SETDB1: variants seen among roughly 807,000 people sequenced by gnomAD.
The protein encoded by SETDB1 is histone-lysine N-methyltransferase SETDB1.
In SETDB1, 31 loss-of-function variants were observed where a neutral mutation model predicts 137.4. That is an observed-to-expected ratio of 0.23 (90% CI 0.17 to 0.30). The LOEUF (loss-of-function observed/expected upper bound fraction) is 0.30. Ranked by LOEUF, SETDB1 falls within the 10% of genes least tolerant of loss-of-function variation. The pLI is 1.00. For missense variants in SETDB1, 1,113 were observed against 1,631.5 expected, an observed-to-expected ratio of 0.68 and a Z score of 5.47; for synonymous variants, 548 against 579.9, an observed-to-expected ratio of 0.95 and a Z score of 0.79.
Position 150,959,278 on chromosome 1 carries a change from C to T in SETDB1, c.2434C>T (p.Gln812Ter). 6.2e-7 allele frequency: 1 copy of T among 1,609,894 alleles called. No homozygotes were observed. Among genetic ancestry groups the T allele is most frequent in the Non-Finnish European group, 8.5e-7 (1 of 1,178,702 alleles). The stretch of plus-strand genomic sequence containing the variant: ...AGTTCGGCTACAGCTATTCAAGACA[C>T]AGAACAAGGGCTGGGGTATCCGCTG... Reference protein sequence around the residue: ...LQVRLQLFKTQNKGWGIRCLD... With the variant: ...LQVRLQLFKT Residue 812 changes from glutamine (Q) to a stop codon, truncating the protein, a stop_gained, in exon 15 of 22, where the codon CAG becomes TAG. Coordinates refer to ENST00000692827, the MANE Select transcript of SETDB1 (RefSeq NM_001366418.1). LOFTEE classifies it high-confidence loss of function.
At chr1:150,939,784 G>A (rs914629928) in intron 3 of SETDB1, among the ~76,000 whole-genome samples, 156 bp from the exon 4 acceptor site, 4 of 152,094 alleles carry the variant, frequency 2.6e-5, no homozygotes, top group Non-Finnish European at 5.9e-5. Flanking sequence ...ACCCTTTTGA[G>A]TACTTTATAT....
intron 14 of SETDB1, among the ~76,000 whole-genome samples, chr1:150,953,481 G>A (rs587727006): frequency 3.3e-5 from 5 of 150,358 alleles, no homozygotes; most frequent in South Asian, 2.1e-4. Context: ...AGCCAAGACC[G>A]CACCATTGCA....
At chr1:150,946,569 C>G (rs1195076499) in intron 9 of SETDB1, among the ~76,000 whole-genome samples, 5 of 152,078 alleles carry the variant, frequency 3.3e-5, no homozygotes, top group Non-Finnish European at 7.4e-5. Flanking sequence ...CTGCCTCAGC[C>G]TCCCGAGTAA....
intron 3 of SETDB1, among the ~76,000 whole-genome samples, chr1:150,935,069 C>G (rs1290916402): frequency 2.0e-5 from 3 of 152,192 alleles, no homozygotes; most frequent in Non-Finnish European, 4.4e-5. Flanking sequence ...GATCCACACG[C>G]CTTGGCCTCC....
chr1:150,942,797 G>T, intron 6 of SETDB1, 55 bp from the exon 7 acceptor site: 1 of 1,601,058 alleles, frequency 6.2e-7, no homozygotes, highest in African/African-American at 1.3e-5. Flanking sequence ...TAGCAGCCTG[G>T]ATTTATACAG....
At chr1:150,933,741 T>C (rs931653585) in intron 3 of SETDB1, among the ~76,000 whole-genome samples, 2 of 139,042 alleles carry the variant, frequency 1.4e-5, no homozygotes, top group African/African-American at 5.1e-5. Flanking sequence ...GTCATTCTTC[T>C]GATTTTTCTT....
At position 150,956,195 on chromosome 1, in the gene SETDB1, G is replaced by C. The variant is rs185969715; in HGVS notation, c.2334-2983G>C. Among the ~76,000 whole-genome samples, 4 of 151,840 alleles carry C rather than the reference G, an allele frequency of 2.6e-5. No individual in the cohort carries two copies. In the East Asian group the frequency reaches 7.7e-4, roughly 29 times the overall value. On this transcript the variant is annotated intron_variant, in intron 14 of 21. Coordinates refer to ENST00000692827, the MANE Select transcript of SETDB1 (RefSeq NM_001366418.1). ...GAGGTCAGGAATTCAAGATCAGCCT[G>C]GCCAAGATGTTGAAACCCCGTCTCT...
chr1:150,964,083 A>C lies in SETDB1; in HGVS notation c.3761A>C (p.Lys1254Thr), dbSNP rs1365155040. Residue 1254 changes from lysine (K) to threonine (T), a missense_variant and splice_region_variant, in exon 21 of 22, where the codon AAA becomes ACA. Coordinates refer to ENST00000692827, the MANE Select transcript of SETDB1 (RefSeq NM_001366418.1). ...RFPWVAFFAS[K>T]RIRAGTELTW... ...CCCTGGGTGGCCTTCTTTGCCAGCA[A>C]GTAAGGAGTCAGGAAAGGGGATGAC... 1.2e-6 allele frequency: 2 copies of C among 1,613,570 alleles called. No homozygotes were observed. The highest frequency in any genetic ancestry group is 1.7e-6 in the Non-Finnish European group (2 of 1,179,502).
rs752794321 is a variant in SETDB1, at chr1:150,950,536, C to T, written c.1662C>T (p.Gly554=). ...CTCCAGCACCCCCAGTCTTCCATGG[C>T]ATGCTGGAGCGGGCCCCAGCAGAGC... ...PAPPAPPVFH[G]MLERAPAEPS... is the part of the protein sequence containing the mutation. Residue 554 remains glycine (G), a synonymous_variant, in exon 13 of 22, where the codon GGC becomes GGT. Coordinates refer to ENST00000692827, the MANE Select transcript of SETDB1 (RefSeq NM_001366418.1). 1.2e-6 allele frequency: 2 copies of T among 1,613,956 alleles called. No individual in the cohort carries two copies. Among genetic ancestry groups the T allele is most frequent in the African/African-American group, 2.7e-5 (2 of 75,040 alleles).
chr1:150,926,589 C>T, intron 1 of SETDB1, 72 bp downstream of exon 1: 1 of 391,064 alleles, frequency 2.6e-6, no homozygotes, highest in African/African-American at 2.3e-5. Flanking sequence ...GGGAGGGGGT[C>T]GGGCGAGGGT....
intron 14 of SETDB1, among the ~76,000 whole-genome samples, chr1:150,956,248 C>T (rs957369403): frequency 1.3e-5 from 2 of 151,582 alleles, no homozygotes; most frequent in African/African-American, 2.4e-5. Context: ...TAGCCATGTG[C>T]GGTGGCAGGC....
chr1:150,931,261 CAAAA>C lies in SETDB1; in HGVS notation c.412+1160_412+1163del, dbSNP rs767694682. Among the ~76,000 whole-genome samples the C allele has an allele frequency of 1.3e-3, 86 of 67,516 alleles. 1 individual carries two copies. Among genetic ancestry groups the C allele is most frequent in the African/African-American group, 3.5e-3 (80 of 22,802 alleles). 44.3% of individuals were successfully genotyped at this position (67,516 alleles called of 152,430 possible). A position where few individuals can be genotyped will look rare whatever the true frequency, so the allele number is the denominator to read the frequency against. ...GGTGACAAAGCAAGACTCTTGTCTT[CAAAA>C]AAAAAAAAAAAAAAAAGGGTTTCCA... On this transcript the variant is annotated intron_variant, in intron 3 of 21. Coordinates refer to ENST00000692827, the MANE Select transcript of SETDB1 (RefSeq NM_001366418.1).
intron 15 of SETDB1, among the ~76,000 whole-genome samples, chr1:150,959,568 T>G (rs1670756128): frequency 6.6e-6 from 1 of 152,130 alleles, no homozygotes; most frequent in South Asian, 2.1e-4. Flanking sequence ...GGATGAAATT[T>G]TGGACATGGT....
chr1:150,942,517 C>T (rs368329533), intron 5 of SETDB1, 46 bp from the exon 6 acceptor site: 13 of 1,563,458 alleles, frequency 8.3e-6, no homozygotes, highest in African/African-American at 1.4e-5. Flanking sequence ...CGTTCTCTAC[C>T]GAATCTATGT....
At chr1:150,940,678 AC>A (rs1245481920) in intron 4 of SETDB1, among the ~76,000 whole-genome samples, 11 of 151,764 alleles carry the variant, frequency 7.2e-5, no homozygotes, top group Non-Finnish European at 1.6e-4. Flanking sequence ...GAGCAGCCTA[AC>A]CATGGAGAAA....
In SETDB1 at chr1:150,944,945, A is replaced by G; in HGVS notation, c.977A>G (p.Asp326Gly). ...PLKKTWEDIE[D>G]ISCRDFIEEY... Reference sequence around the variant, plus strand: ...AAAAAGACTTGGGAGGACATAGAAGACATCTCCTGCCGTGACTTCATAGAG... The same window carrying G: ...AAAAAGACTTGGGAGGACATAGAAGGCATCTCCTGCCGTGACTTCATAGAG... The change falls in exon 9 of 22, where the codon GAC becomes GGC. Residue 326 changes from aspartate (D) to glycine (G), a missense_variant. Around this residue, in one of 11 missense-constraint regions of SETDB1, gnomAD observed 154 missense variants for 303.1 expected, o/e 0.51. Transcript: ENST00000692827. 6.2e-7 allele frequency: 1 copy of G among 1,614,110 alleles called. No homozygotes were observed. The highest frequency in any genetic ancestry group is 8.5e-7 in the Non-Finnish European group (1 of 1,179,998).
intron 3 of SETDB1, among the ~76,000 whole-genome samples, chr1:150,939,247 C>G (rs2102678443): frequency 8.7e-6 from 1 of 114,940 alleles, no homozygotes; most frequent in East Asian, 2.6e-4. Context: ...CCACTGCACC[C>G]AGCATTTTTT....
chr1:150,929,801 T>G (rs1669667965), intron 2 of SETDB1, among the ~76,000 whole-genome samples, 166 bp from the exon 3 acceptor site: 1 of 152,204 alleles, frequency 6.6e-6, no homozygotes, highest in Non-Finnish European at 1.5e-5. Context: ...ATTTAAAACA[T>G]TTTTCTATAG....
chr1:150,949,301 C>G (rs780266677), intron 11 of SETDB1, 23 bp downstream of exon 11: 1 of 1,612,322 alleles, frequency 6.2e-7, no homozygotes, highest in Non-Finnish European at 8.5e-7. Context: ...CTTTCTTTTT[C>G]TTCAGTTTCT....
Sources: gnomAD v4.1 joint callset for allele counts (sites outside exome capture counted in the v4.1 genomes callset) on GRCh38, gnomAD v4.1.1 for gene constraint, gnomAD v4.1.1 regional missense constraint, MANE v1.5 for transcripts, NCBI Gene and HGNC (gene_info 2026-07-23, HGNC 2026-07-21) for gene names.